The following WSCD1 variants were observed in gnomAD, a reference collection of about 807,000 sequenced individuals.
The protein encoded by WSCD1 is sialate:O-sulfotransferase 1.
In WSCD1, 41 loss-of-function variants were observed where a neutral mutation model predicts 60.4. The observed-to-expected ratio is 0.68, with a 90% CI of 0.53 to 0.88. WSCD1 has a LOEUF of 0.88. Ranked by LOEUF, WSCD1 falls within the 40% of genes least tolerant of loss-of-function variation. WSCD1 has a pLI of 0.00. For missense variants in WSCD1, 784 were observed against 796.2 expected, an observed-to-expected ratio of 0.98 and a Z score of 0.18; for synonymous variants, 361 against 332.5, an observed-to-expected ratio of 1.09 and a Z score of -0.93.
At chr17:6,090,230 TA>T in intron 3 of WSCD1, 90 bp from the exon 4 acceptor site, 1 of 1,299,198 alleles carries the variant, frequency 7.7e-7, no homozygotes, top group Non-Finnish European at 1.0e-6. Context: ...ACATACTTTC[TA>T]ATCTACATCA....
At chr17:6,077,925 G>A (rs1434360910) in intron 1 of WSCD1, 2 of 152,222 alleles carry the variant, frequency 1.3e-5, no homozygotes, top group African/African-American at 2.4e-5. Context: ...ATCACAGAAA[G>A]GATGACATAA....
chr17:6,095,965 T>C (rs150965722), intron 5 of WSCD1, among the ~76,000 whole-genome samples: 2 of 152,294 alleles, frequency 1.3e-5, no homozygotes, highest in African/African-American at 4.8e-5. Flanking sequence ...GGGATTGCTG[T>C]ACCCTCAATG....
intron 5 of WSCD1, among the ~76,000 whole-genome samples, chr17:6,096,689 G>A (rs907842090): frequency 1.6e-4 from 25 of 152,194 alleles, no homozygotes; most frequent in Admixed American, 1.6e-3. Context: ...CTCCTCATGG[G>A]AGCAGAGCGA....
At chr17:6,093,246 G>A (rs1451420101) in intron 4 of WSCD1, among the ~76,000 whole-genome samples, 5 of 152,224 alleles carry the variant, frequency 3.3e-5, no homozygotes, top group African/African-American at 7.2e-5. Context: ...CTTCTTTAGC[G>A]GCTCATGGAC....
chr17:6,089,704 A>G (rs1909898362), intron 3 of WSCD1, among the ~76,000 whole-genome samples: 1 of 152,230 alleles, frequency 6.6e-6, no homozygotes, highest in Non-Finnish European at 1.5e-5. Flanking sequence ...GGCAAACAGT[A>G]CAAACCAGAG....
chr17:6,081,156 C>T, intron 2 of WSCD1, 71 bp downstream of exon 2: 2 of 1,459,662 alleles, frequency 1.4e-6, no homozygotes, highest in Non-Finnish European at 1.8e-6. Flanking sequence ...TTTGGTGTCC[C>T]CTTTCTCTCT....
chr17:6,092,014 T>C (rs925252153), intron 4 of WSCD1, among the ~76,000 whole-genome samples: 1 of 151,796 alleles, frequency 6.6e-6, no homozygotes, highest in African/African-American at 2.4e-5. Flanking sequence ...ATTTGCCGGA[T>C]GTGGTGGCAG....
rs190766851 is a variant in WSCD1, at chr17:6,092,441, G to T, written c.727+1936G>T. ...AGATGGGGCAATGGGGACAGGGGCG[G>T]AGAAACTGACCACACATCGTTTAGC... On this transcript the variant is annotated intron_variant, in intron 4 of 8. Transcript: ENST00000317744. Among the ~76,000 whole-genome samples, 63 of 152,270 alleles carry T rather than the reference G, an allele frequency of 4.1e-4. No individual in the cohort carries two copies. In the South Asian group the frequency reaches 0.011, roughly 26 times the overall value.
chr17:6,109,372 C>G (rs1049852141), intron 5 of WSCD1, among the ~76,000 whole-genome samples: 2 of 152,196 alleles, frequency 1.3e-5, no homozygotes, highest in African/African-American at 4.8e-5. Flanking sequence ...CCAAGTAGGG[C>G]TGTGCTTATA....
chr17:6,089,296 C>T (rs559719655), intron 3 of WSCD1, among the ~76,000 whole-genome samples: 2 of 152,298 alleles, frequency 1.3e-5, no homozygotes, highest in East Asian at 3.9e-4. Context: ...GATGGTAAGT[C>T]ATGTTCAGGG....
chr17:6,102,052 G>T (rs1011919414), intron 5 of WSCD1, among the ~76,000 whole-genome samples: 28 of 152,232 alleles, frequency 1.8e-4, no homozygotes, highest in Non-Finnish European at 2.9e-4. Context: ...AGAGGAGGAA[G>T]AAAGGTGTTG....
intron 7 of WSCD1, 77 bp downstream of exon 7, chr17:6,111,012 G>A: frequency 6.6e-7 from 1 of 1,506,760 alleles, no homozygotes. Flanking sequence ...AAGCTTCTCA[G>A]AGCACTAGAG....
chr17:6,095,182 A>T lies in WSCD1; in HGVS notation c.808A>T (p.Asn270Tyr). The change falls in exon 5 of 9, where the codon AAT becomes TAT. Residue 270 changes from asparagine (N) to tyrosine (Y), a missense_variant. Coordinates refer to ENST00000317744, the MANE Select transcript of WSCD1 (RefSeq NM_015253.2). The stretch of plus-strand genomic sequence containing the variant: ...CTTCCCCAGCTCCCTGATACAGGCC[A>T]ATGTGACCGTGGGGACTTGCTCGGG... ...HAFPSSLIQA[N>Y]VTVGTCSGFC... 3.7e-6 allele frequency: 6 copies of T among 1,613,716 alleles called. No homozygotes were observed. Among genetic ancestry groups the T allele is most frequent in the Non-Finnish European group, 4.2e-6 (5 of 1,179,834 alleles).
intron 2 of WSCD1, among the ~76,000 whole-genome samples, chr17:6,087,780 A>C (rs536811341): frequency 6.6e-6 from 1 of 152,242 alleles, no homozygotes; most frequent in Admixed American, 6.5e-5. Context: ...CCATTAAAAA[A>C]GAGAAAATGG....
At chr17:6,073,613 G>C (rs1908674636) in intron 1 of WSCD1, among the ~76,000 whole-genome samples, 1 of 152,246 alleles carries the variant, frequency 6.6e-6, no homozygotes, top group Admixed American at 6.5e-5. Flanking sequence ...TTGGGCGACA[G>C]AGCGAGACTC....
rs60429711 is a variant in WSCD1, at chr17:6,075,932, G to A, written c.-288-4439G>A. 0.019 allele frequency among the ~76,000 whole-genome samples: 2,924 copies of A among 152,254 alleles called. 103 individuals are homozygous for A. Among genetic ancestry groups the A allele is most frequent in the African/African-American group, 0.066 (2,732 of 41,522 alleles). On this transcript the variant is annotated intron_variant, in intron 1 of 8. Coordinates refer to ENST00000317744, the MANE Select transcript of WSCD1 (RefSeq NM_015253.2). The surrounding 1 kb of genome is among the most constrained non-coding windows in gnomAD (Gnocchi z 4.1). ...AGTGGGCTGGGGCGGGAACACTCAC[G>A]GACAAGGCACTGTCTGGAAGGCTTG... is the stretch of plus-strand genomic sequence containing the variant.
At chr17:6,114,253 A>G (rs916489161) in intron 7 of WSCD1, among the ~76,000 whole-genome samples, 5 of 152,052 alleles carry the variant, frequency 3.3e-5, no homozygotes, top group African/African-American at 1.2e-4. Context: ...GCACAGAAAG[A>G]TGAATACCAC....
At chr17:6,109,191 C>T (rs1567559930) in intron 5 of WSCD1, among the ~76,000 whole-genome samples, 1 of 152,198 alleles carries the variant, frequency 6.6e-6, no homozygotes, top group Admixed American at 6.5e-5. Context: ...GCCATGCAGA[C>T]ATCCACTCAT....
intron 7 of WSCD1, 145 bp from the exon 8 acceptor site, chr17:6,117,843 C>G: frequency 1.3e-6 from 1 of 774,100 alleles, no homozygotes; most frequent in South Asian, 1.8e-5. Flanking sequence ...CTATCACCAT[C>G]CATAGGTCCT....
Sources: allele counts gnomAD v4.1 joint callset (sites outside exome capture counted in the v4.1 genomes callset), GRCh38; gene constraint gnomAD v4.1.1; non-coding constraint Gnocchi (gnomAD v3.1); transcripts MANE v1.5; gene names NCBI Gene and HGNC (gene_info 2026-07-23, HGNC 2026-07-21).